FGF12: variants seen among roughly 807,000 people sequenced by gnomAD.
FGF12 encodes fibroblast growth factor 12B.
Under a neutral mutation model 23.6 loss-of-function variants are expected in FGF12, and 14 were observed. The ratio of observed to expected loss-of-function variants is 0.59; its 90% confidence interval spans 0.39 to 0.93. The LOEUF is 0.93. Ranked by LOEUF, FGF12 falls within the 40% of genes least tolerant of loss-of-function variation. FGF12 has a pLI of 0.00. For synonymous variants in FGF12, 62 were observed against 77.3 expected (o/e 0.80, Z 1.04); for missense variants, 175 against 217.8 (o/e 0.80, Z 1.24).
chr3:192,514,182 A>AC lies in FGF12; in HGVS notation c.14-153645dup, dbSNP rs1360349816. Among the ~76,000 whole-genome samples, 1 of 152,170 alleles carries AC rather than the reference A, an allele frequency of 6.6e-6. No individual in the cohort carries two copies. Among genetic ancestry groups the AC allele is most frequent in the Admixed American group, 6.5e-5 (1 of 15,288 alleles). On this transcript the variant is annotated intron_variant, in intron 2 of 5. Coordinates refer to ENST00000445105, the MANE Select transcript of FGF12 (RefSeq NM_004113.6). The surrounding 1 kb of genome is among the most constrained non-coding windows in gnomAD (Gnocchi z 4.9). ...ATCGCTAAATCTCCAGGGGAAACGT[A>AC]CCCCTAACCACCGCCAGATGTCTAC...
intron 3 of FGF12, among the ~76,000 whole-genome samples, chr3:192,349,673 T>G (rs1718120674): frequency 6.6e-6 from 1 of 152,102 alleles, no homozygotes; most frequent in African/African-American, 2.4e-5. Context: ...GCTATAGAAT[T>G]CACTTTTCCA....
intron 2 of FGF12, among the ~76,000 whole-genome samples, chr3:192,536,680 G>A (rs1395842494): frequency 1.3e-5 from 2 of 151,720 alleles, no homozygotes; most frequent in South Asian, 4.1e-4. Flanking sequence ...GTTTTTGTGG[G>A]TACATACTGG....
At chr3:192,610,789 C>G (rs1186455699) in intron 2 of FGF12, among the ~76,000 whole-genome samples, 1 of 151,998 alleles carries the variant, frequency 6.6e-6, no homozygotes, top group African/African-American at 2.4e-5. Flanking sequence ...CTCGAATATA[C>G]CAGGTGTGTG....
intron 2 of FGF12, among the ~76,000 whole-genome samples, chr3:192,369,801 C>T (rs565963582): frequency 6.6e-6 from 1 of 152,292 alleles, no homozygotes; most frequent in South Asian, 2.1e-4. Flanking sequence ...ATCAAGGAGA[C>T]ACATACACAA....
intron 2 of FGF12, among the ~76,000 whole-genome samples, chr3:192,453,292 T>G (rs1722581004): frequency 1.3e-5 from 2 of 152,230 alleles, no homozygotes; most frequent in Non-Finnish European, 2.9e-5. Context: ...GAAACTAATT[T>G]GATCACATTT....
intron 2 of FGF12, among the ~76,000 whole-genome samples, chr3:192,691,934 A>G (rs1717956491): frequency 6.6e-6 from 1 of 152,130 alleles, no homozygotes; most frequent in Non-Finnish European, 1.5e-5. Context: ...GAAAATTCCT[A>G]GAAACATACA....
At chr3:192,486,326 G>A (rs1723631615) in intron 2 of FGF12, among the ~76,000 whole-genome samples, 1 of 151,918 alleles carries the variant, frequency 6.6e-6, no homozygotes, top group African/African-American at 2.4e-5. Flanking sequence ...AATTCAAATT[G>A]CATTCAGTGT....
At chr3:192,406,702 A>C (rs1720971209) in intron 2 of FGF12, among the ~76,000 whole-genome samples, 1 of 152,226 alleles carries the variant, frequency 6.6e-6, no homozygotes, top group African/African-American at 2.4e-5. Flanking sequence ...AAATGAGCCT[A>C]GTATGGAGTG....
intron 5 of FGF12, among the ~76,000 whole-genome samples, chr3:192,158,678 CT>C (rs1202728609): frequency 2.9e-4 from 2 of 6,800 alleles, no homozygotes; most frequent in African/African-American, 4.5e-4. Flanking sequence ...CCCTCCCTCT[CT>C]CTCTCTCTTT....
chr3:192,375,033 C>T (rs1005775373), intron 2 of FGF12, among the ~76,000 whole-genome samples: 3 of 152,102 alleles, frequency 2.0e-5, no homozygotes, highest in African/African-American at 7.2e-5. Flanking sequence ...CCTGTACTCC[C>T]TCTGTAAATA....
At chr3:192,658,935 G>T (rs1395945774) in intron 2 of FGF12, among the ~76,000 whole-genome samples, 1 of 152,082 alleles carries the variant, frequency 6.6e-6, no homozygotes, top group Non-Finnish European at 1.5e-5. Flanking sequence ...AAGTACACAG[G>T]ATTCAAAGGT....
intron 2 of FGF12, among the ~76,000 whole-genome samples, chr3:192,621,688 TACAA>T (rs1714980766): frequency 1.1e-4 from 1 of 8,890 alleles, no homozygotes; most frequent in African/African-American, 9.8e-4. Context: ...AAGATACAAA[TACAA>T]AAAAAAAAAA....
At chr3:192,661,327 G>C (rs569245036) in intron 2 of FGF12, among the ~76,000 whole-genome samples, 1 of 152,206 alleles carries the variant, frequency 6.6e-6, no homozygotes, top group Non-Finnish European at 1.5e-5. Context: ...TTTGAGACCA[G>C]CCTGACCAAC....
chr3:192,189,029 A>C (rs909417744), intron 4 of FGF12, among the ~76,000 whole-genome samples: 5 of 152,188 alleles, frequency 3.3e-5, no homozygotes, highest in Non-Finnish European at 5.9e-5. Context: ...CCTACACATG[A>C]GTGTGCTAAC....
rs75972320 is a variant in FGF12 at position 192,335,776 on chromosome 3, T to C, written c.125-312A>G. ...TTAAAATGATCCTCAAACAGTGTAA[T>C]ATAAGATAATTTTTTCTAACAAACA... On this transcript the variant is annotated intron_variant, in intron 3 of 5. Coordinates refer to ENST00000445105, the MANE Select transcript of FGF12 (RefSeq NM_004113.6). Among the ~76,000 whole-genome samples, 2,342 of 152,202 alleles carry C rather than the reference T, an allele frequency of 0.015. 29 individuals carry two copies. The highest frequency in any genetic ancestry group is 0.061 in the Middle Eastern group (18 of 294).
chr3:192,246,810 A>G lies in FGF12; in HGVS notation c.229-76154T>C, dbSNP rs1196124947. The stretch of plus-strand genomic sequence containing the variant: ...ACTGTACTCCAGCCTGGGTGACAAG[A>G]GTGAAACTCCGTCAAAAAAAAAAAA... On this transcript the variant is annotated intron_variant, in intron 4 of 5. Transcript: ENST00000445105. 2.1e-5 allele frequency among the ~76,000 whole-genome samples: 3 copies of G among 142,290 alleles called. No homozygotes were observed. The Admixed American group carries it at 2.2e-4, about 10-fold the overall frequency. The allele number at this position is 142,290 out of a possible 152,430, so 93.3% of individuals were successfully genotyped here.
intron 3 of FGF12, among the ~76,000 whole-genome samples, chr3:192,357,255 G>T (rs748848136): frequency 3.9e-4 from 59 of 152,082 alleles, no homozygotes; most frequent in Non-Finnish European, 7.2e-4. Flanking sequence ...AGGCCGAGGC[G>T]GGTGGATCAC....
At chr3:192,238,051 G>T (rs1577265736) in intron 4 of FGF12, 1 of 152,308 alleles carries the variant, frequency 6.6e-6, no homozygotes, top group African/African-American at 2.4e-5. Context: ...TATAAATTGG[G>T]TTTCATGGAT....
intron 2 of FGF12, among the ~76,000 whole-genome samples, chr3:192,540,574 G>C (rs9856159): frequency 6.6e-6 from 1 of 152,072 alleles, no homozygotes. Context: ...GTATATCCTT[G>C]AGAATGATCC....
Sources: gnomAD v4.1 joint callset for allele counts (sites outside exome capture counted in the v4.1 genomes callset) on GRCh38, gnomAD v4.1.1 for gene constraint, Gnocchi (gnomAD v3.1) non-coding constraint, MANE v1.5 for transcripts, NCBI Gene and HGNC (gene_info 2026-07-23, HGNC 2026-07-21) for gene names.